The following SHROOM2 variants were observed in gnomAD, a reference collection of about 807,000 sequenced individuals.
SHROOM2 encodes the protein protein Shroom2.
SHROOM2 carries 33 observed loss-of-function variants against 75.9 expected under a neutral mutation model. That is an observed-to-expected ratio of 0.43 (90% CI 0.33 to 0.58). SHROOM2 has a LOEUF of 0.58. SHROOM2 is among the 20% of genes least tolerant of loss of function. SHROOM2 has a pLI of 0.04. For synonymous variants in SHROOM2, 655 were observed against 663.6 expected (o/e 0.99, Z 0.20); for missense variants, 1,434 against 1,461.2 (o/e 0.98, Z 0.30).
intron 1 of SHROOM2, among the ~76,000 whole-genome samples, chrX:9,863,193 C>T (rs1294632173): frequency 9.0e-6 from 1 of 111,580 alleles, no homozygotes. Context: ...CCCGTTTCTC[C>T]CAGTCACTCC....
intron 1 of SHROOM2, among the ~76,000 whole-genome samples, chrX:9,792,052 AAT>A (rs1401777757): frequency 4.9e-4 from 1 of 2,038 alleles, no homozygotes; most frequent in African/African-American, 1.4e-3. Flanking sequence ...AATAGAATAG[AAT>A]AGAATAGAAT....
At position 9,895,125 on chromosome X, in the gene SHROOM2, G is replaced by A; in HGVS notation, c.1217G>A (p.Ser406Asn). ...SWPPSKDGASSRLQASLSSSD... is the reference protein window; with the variant it reads ...SWPPSKDGASNRLQASLSSSD... ...CCGCCCTCCAAGGATGGAGCTTCCA[G>A]TAGGCTGCAGGCCTCTCTGTCCAGC... Residue 406 changes from serine to asparagine, a missense_variant, in exon 4 of 10, where the codon AGT (serine) becomes AAT (asparagine). Ser to Asn is a conservative substitution (Grantham distance 46, BLOSUM62 1). This residue lies in a region of SHROOM2 where 1,340 missense variants were observed against 1,338.3 expected (regional missense o/e 1.00). Coordinates refer to ENST00000380913, the MANE Select transcript of SHROOM2 (RefSeq NM_001649.4). The A allele has an allele frequency of 1.7e-6, 2 of 1,211,700 alleles. No individual in the cohort carries two copies. Among genetic ancestry groups the A allele is most frequent in the Non-Finnish European group, 1.1e-6 (1 of 895,470 alleles).
intron 5 of SHROOM2, among the ~76,000 whole-genome samples, chrX:9,930,902 C>T (rs2084642656): frequency 9.1e-6 from 1 of 109,541 alleles, no homozygotes; most frequent in Admixed American, 9.7e-5. Context: ...GCCACCATGC[C>T]CGGCTAATTT....
intron 1 of SHROOM2, among the ~76,000 whole-genome samples, chrX:9,830,214 A>G (rs914590552): frequency 2.7e-5 from 3 of 111,951 alleles, no homozygotes; most frequent in African/African-American, 9.7e-5. Context: ...GGCATGGGCC[A>G]CCGCACCTGG....
At chrX:9,904,269 C>T (rs914712449) in intron 5 of SHROOM2, among the ~76,000 whole-genome samples, 75 of 111,780 alleles carry the variant, frequency 6.7e-4, no homozygotes, top group Non-Finnish European at 1.9e-4. Context: ...TCTCTAATCC[C>T]AGCACTTTGG....
intron 1 of SHROOM2, among the ~76,000 whole-genome samples, chrX:9,795,616 C>T (rs1214449317): frequency 9.0e-6 from 1 of 111,409 alleles, no homozygotes; most frequent in East Asian, 2.8e-4. Context: ...CCTTGGCCGT[C>T]TGCTGGTATT....
intron 1 of SHROOM2, among the ~76,000 whole-genome samples, chrX:9,826,008 TGGG>T (rs1446078830): frequency 8.9e-6 from 1 of 112,389 alleles, no homozygotes; most frequent in East Asian, 2.8e-4. Flanking sequence ...TGGCCACAGT[TGGG>T]AGCAAGCCTG....
rs1441063030 is a variant in SHROOM2, at chrX:9,947,056, A to G, written c.*119A>G. The G allele has an allele frequency of 3.3e-5, 24 of 718,403 alleles. No individual in the cohort carries two copies. Among genetic ancestry groups the G allele is most frequent in the Non-Finnish European group, 4.2e-5 (21 of 498,673 alleles). 59.2% of individuals were successfully genotyped at this position (718,403 alleles called of 1,213,427 possible). On this transcript the variant is annotated 3_prime_UTR_variant, in exon 10 of 10. Transcript: ENST00000380913. ...CTGGAAAGAGACTTCTCCCATAGCA[A>G]AGAGGCTGTTATAAAAGCAATAACT... is the stretch of plus-strand genomic sequence containing the variant.
At chrX:9,838,648 C>T (rs1454685176) in intron 1 of SHROOM2, among the ~76,000 whole-genome samples, 2 of 111,491 alleles carry the variant, frequency 1.8e-5, no homozygotes, top group African/African-American at 6.5e-5. Flanking sequence ...ATCCAGACAC[C>T]CGAGTTAAGC....
chrX:9,794,975 T>G (rs1442622613), intron 1 of SHROOM2, among the ~76,000 whole-genome samples: 1 of 112,266 alleles, frequency 8.9e-6, no homozygotes, highest in African/African-American at 3.2e-5. Flanking sequence ...TGGAGACAGT[T>G]CTCCCACAGC....
rs192837970 is a variant in SHROOM2 at position 9,936,998 on chromosome X, G to A, written c.3588-136G>A. ...GCCTCATCCAGGATGTGGGATCATG[G>A]AGGCTCCTTCGAGTTGGGTGGCTGG... is the stretch of plus-strand genomic sequence containing the variant. On this transcript the variant is annotated intron_variant, in intron 6 of 9. Transcript: ENST00000380913. 2.4e-3 allele frequency: 1,443 copies of A among 595,498 alleles called. 2 individuals carry two copies. The highest frequency in any genetic ancestry group is 3.4e-3 in the Non-Finnish European group (1,314 of 387,310). The allele number at this position is 595,498 out of a possible 1,213,427, so 49.1% of individuals were successfully genotyped here.
chrX:9,940,724 G>A (rs772541823), intron 8 of SHROOM2, among the ~76,000 whole-genome samples: 6 of 112,543 alleles, frequency 5.3e-5, no homozygotes, highest in Admixed American at 9.4e-5. Flanking sequence ...AGGCGGAGGC[G>A]TGTTCAGGGA....
At chrX:9,862,915 C>T (rs1211405702) in intron 1 of SHROOM2, among the ~76,000 whole-genome samples, 1 of 112,083 alleles carries the variant, frequency 8.9e-6, no homozygotes, top group South Asian at 3.7e-4. Context: ...GAACGTTGCT[C>T]CCCATTAACC....
At chrX:9,911,027 G>A (rs762015301) in intron 5 of SHROOM2, among the ~76,000 whole-genome samples, 15 of 110,772 alleles carry the variant, frequency 1.4e-4, no homozygotes, top group African/African-American at 4.3e-4. Flanking sequence ...TTGCTGTTCC[G>A]TGTGTGGCCT....
chrX:9,885,401 CATGT>C (rs1186666273), intron 2 of SHROOM2, among the ~76,000 whole-genome samples: 1 of 110,119 alleles, frequency 9.1e-6, no homozygotes, highest in Non-Finnish European at 1.9e-5. Context: ...GAGCGACCAG[CATGT>C]AGGGGCTGAA....
chrX:9,901,132 C>T (rs761292502), intron 5 of SHROOM2, among the ~76,000 whole-genome samples: 2 of 111,265 alleles, frequency 1.8e-5, no homozygotes, highest in Middle Eastern at 9.3e-3. Context: ...ATGCCGTCTT[C>T]TCCCTGTGTC....
intron 1 of SHROOM2, among the ~76,000 whole-genome samples, chrX:9,833,798 C>T (rs1278877446): frequency 9.0e-6 from 1 of 111,638 alleles, no homozygotes; most frequent in Admixed American, 9.5e-5. Context: ...CGAGGGGCTT[C>T]AGGCATGCTG....
chrX:9,915,017 G>C (rs1451980824), intron 5 of SHROOM2, among the ~76,000 whole-genome samples: 2 of 112,436 alleles, frequency 1.8e-5, no homozygotes, highest in East Asian at 2.8e-4. Flanking sequence ...ATCAGGCAGA[G>C]ACAGCATGTG....
chrX:9,941,971 C>CAAA (rs56088322), intron 8 of SHROOM2, among the ~76,000 whole-genome samples: 1 of 54,446 alleles, frequency 1.8e-5, no homozygotes, highest in African/African-American at 5.2e-5. Flanking sequence ...GACTCCGTCT[C>CAAA]AAAAAAAAAA....
Sources: gnomAD v4.1 joint callset for allele counts (sites outside exome capture counted in the v4.1 genomes callset) on GRCh38, gnomAD v4.1.1 for gene constraint, gnomAD v4.1.1 regional missense constraint, MANE v1.5 for transcripts, NCBI Gene and HGNC (gene_info 2026-07-23, HGNC 2026-07-21) for gene names.